CTNNA3: variants seen among roughly 807,000 people sequenced by gnomAD.
The protein encoded by CTNNA3 is catenin alpha 3.
In CTNNA3, 76 loss-of-function variants were observed where a neutral mutation model predicts 95.7. That is an observed-to-expected ratio of 0.79 (90% CI 0.66 to 0.96). CTNNA3 has a LOEUF of 0.96. CTNNA3 is among the 40% of genes least tolerant of loss of function. The pLI, the probability that CTNNA3 is intolerant of heterozygous loss-of-function variation, is 0.00. For synonymous variants in CTNNA3, 431 were observed against 374.4 expected (o/e 1.15, Z -1.74); for missense variants, 1,191 against 1,089.8 (o/e 1.09, Z -1.31).
chr10:67,497,593 T>C (rs996633196), intron 5 of CTNNA3, among the ~76,000 whole-genome samples: 2 of 152,222 alleles, frequency 1.3e-5, no homozygotes, highest in African/African-American at 4.8e-5. Flanking sequence ...CTCCAGCATC[T>C]GTTGTTTCCT....
intron 5 of CTNNA3, among the ~76,000 whole-genome samples, chr10:67,238,865 C>T (rs868336074): frequency 4.0e-5 from 6 of 151,836 alleles, no homozygotes; most frequent in African/African-American, 1.5e-4. Context: ...TATTTTATAC[C>T]TCATTATCTA....
intron 5 of CTNNA3, among the ~76,000 whole-genome samples, chr10:67,337,516 G>T (rs1222487241): frequency 5.3e-5 from 8 of 152,200 alleles, no homozygotes; most frequent in Non-Finnish European, 1.2e-4. Flanking sequence ...CATAAACTTA[G>T]TTGATAAAGC....
chr10:66,585,745 T>C (rs1046224626), intron 10 of CTNNA3, among the ~76,000 whole-genome samples: 1 of 152,044 alleles, frequency 6.6e-6, no homozygotes, highest in African/African-American at 2.4e-5. Context: ...GAACTCTTTA[T>C]CTGGTATTTC....
At chr10:66,892,124 C>G (rs1845292978) in intron 7 of CTNNA3, among the ~76,000 whole-genome samples, 2 of 151,994 alleles carry the variant, frequency 1.3e-5, no homozygotes, top group African/African-American at 4.8e-5. Flanking sequence ...AACCATAATT[C>G]CTTTACATCT....
chr10:66,386,292 A>G (rs2092891133), intron 11 of CTNNA3, among the ~76,000 whole-genome samples: 1 of 152,164 alleles, frequency 6.6e-6, no homozygotes, highest in African/African-American at 2.4e-5. Flanking sequence ...GCATTCCTAT[A>G]CACCATTAAC....
intron 11 of CTNNA3, among the ~76,000 whole-genome samples, chr10:66,467,006 A>G: frequency 6.6e-6 from 1 of 152,086 alleles, no homozygotes; most frequent in East Asian, 1.9e-4. Context: ...TCTAATCTCA[A>G]GACTGGAATC....
chr10:67,391,153 A>T (rs1844459624), intron 5 of CTNNA3, among the ~76,000 whole-genome samples: 1 of 151,986 alleles, frequency 6.6e-6, no homozygotes, highest in Non-Finnish European at 1.5e-5. Context: ...ATATCTAGAA[A>T]CCCCATTGTC....
intron 9 of CTNNA3, among the ~76,000 whole-genome samples, chr10:66,737,039 C>T (rs549954569): frequency 2.0e-5 from 3 of 150,870 alleles, no homozygotes; most frequent in Non-Finnish European, 4.4e-5. Context: ...TAATTTTCTT[C>T]AGTGATACAA....
At chr10:67,088,637 G>T (rs374260803) in intron 7 of CTNNA3, among the ~76,000 whole-genome samples, 1 of 152,016 alleles carries the variant, frequency 6.6e-6, no homozygotes, top group African/African-American at 2.4e-5. Context: ...AAGGAGAACT[G>T]TGACCTTTCA....
At chr10:66,874,634 G>T (rs1246647542) in intron 7 of CTNNA3, among the ~76,000 whole-genome samples, 1 of 152,086 alleles carries the variant, frequency 6.6e-6, no homozygotes, top group East Asian at 1.9e-4. Context: ...TCTCTGTTTA[G>T]AATTTAAAGA....
intron 13 of CTNNA3, among the ~76,000 whole-genome samples, chr10:66,259,028 C>T (rs527745291): frequency 6.6e-6 from 1 of 152,186 alleles, no homozygotes; most frequent in African/African-American, 2.4e-5. Flanking sequence ...CACATGGCTT[C>T]TCCTATTACT....
intron 13 of CTNNA3, among the ~76,000 whole-genome samples, chr10:66,195,251 C>T (rs1269085216): frequency 6.6e-6 from 1 of 151,836 alleles, no homozygotes; most frequent in Non-Finnish European, 1.5e-5. Flanking sequence ...CTATATATAA[C>T]ACTACTGAAA....
chr10:66,105,849 TAC>T (rs1314996832), intron 13 of CTNNA3, among the ~76,000 whole-genome samples: 3 of 152,204 alleles, frequency 2.0e-5, no homozygotes, highest in Non-Finnish European at 4.4e-5. Context: ...TACAAAATGC[TAC>T]AGTTTAAGTG....
intron 13 of CTNNA3, among the ~76,000 whole-genome samples, chr10:66,262,144 A>G (rs10822781): frequency 0.045 from 6,866 of 152,068 alleles, 268 homozygotes; most frequent in African/African-American, 0.1. Context: ...TTCTAATCCT[A>G]GCTTTGACAT....
At chr10:67,306,037 T>C (rs1473433589) in intron 5 of CTNNA3, among the ~76,000 whole-genome samples, 1 of 151,930 alleles carries the variant, frequency 6.6e-6, no homozygotes, top group Non-Finnish European at 1.5e-5. Context: ...GTTTCAGAAG[T>C]GGGGTGGAAC....
rs2089347610 is a variant in CTNNA3 at position 66,227,301 on chromosome 10, T to C, written c.1884+53169A>G. ...AGCTTTCAGTTTTCTCCATTCAGTA[T>C]ATTAGCTGTGGTTTTGTCATATGTG... On this transcript the variant is annotated intron_variant, in intron 13 of 17. Coordinates refer to ENST00000433211, the MANE Select transcript of CTNNA3 (RefSeq NM_013266.4). Among the ~76,000 whole-genome samples the C allele has an allele frequency of 2.0e-5, 3 of 152,288 alleles. No individual in the cohort carries two copies. In the South Asian group the frequency reaches 6.2e-4, roughly 32 times the overall value.
intron 7 of CTNNA3, among the ~76,000 whole-genome samples, chr10:66,874,340 T>C (rs1001212982): frequency 1.3e-5 from 2 of 152,148 alleles, no homozygotes; most frequent in Non-Finnish European, 2.9e-5. Context: ...CAATTCCCAA[T>C]TGAACCTCTT....
chr10:67,737,889 G>A (rs1440295284), intron 1 of CTNNA3, among the ~76,000 whole-genome samples: 1 of 152,208 alleles, frequency 6.6e-6, no homozygotes, highest in Non-Finnish European at 1.5e-5. Context: ...ATTTGACCCA[G>A]CCATCCCATT....
At chr10:66,947,033 G>T (rs1240993693) in intron 7 of CTNNA3, among the ~76,000 whole-genome samples, 1 of 152,032 alleles carries the variant, frequency 6.6e-6, no homozygotes, top group Non-Finnish European at 1.5e-5. Context: ...AGTTGCCCTT[G>T]TTTTCAGCCC....
Sources: gnomAD v4.1 joint callset for allele counts (sites outside exome capture counted in the v4.1 genomes callset) on GRCh38, gnomAD v4.1.1 for gene constraint, MANE v1.5 for transcripts, NCBI Gene and HGNC (gene_info 2026-07-23, HGNC 2026-07-21) for gene names.